DIP2C: variants seen among roughly 807,000 people sequenced by gnomAD.
DIP2C encodes disco-interacting protein 2 homolog C.
DIP2C carries 33 observed loss-of-function variants against 192.4 expected under a neutral mutation model. That is an observed-to-expected ratio of 0.17 (90% CI 0.13 to 0.23). The LOEUF (loss-of-function observed/expected upper bound fraction) is 0.23. DIP2C is among the 10% of genes least tolerant of loss of function. The pLI is 1.00. For synonymous variants in DIP2C, 979 were observed against 864.1 expected (o/e 1.13, Z -2.33); for missense variants, 1,537 against 2,110.1 (o/e 0.73, Z 5.32).
rs141215464 is a variant in DIP2C at position 323,877 on chromosome 10, G to A, written c.3924+3129C>T. On this transcript the variant is annotated intron_variant, in intron 31 of 36. Transcript: ENST00000280886. ...TCTATGGAGAGCCAGGGAGCGAGAG[G>A]TGGTTTCTGCCGCTGGATCCTGGGC... is the stretch of plus-strand genomic sequence containing the variant. 1.2e-4 allele frequency among the ~76,000 whole-genome samples: 18 copies of A among 152,252 alleles called. No homozygotes were observed. The East Asian group carries it at 3.5e-3, about 29-fold the overall frequency.
At chr10:432,480 A>G (rs919149063) in intron 4 of DIP2C, among the ~76,000 whole-genome samples, 1 of 152,210 alleles carries the variant, frequency 6.6e-6, no homozygotes, top group Admixed American at 6.5e-5. Context: ...AGAGTTTTTC[A>G]TAATATTTAT....
intron 32 of DIP2C, among the ~76,000 whole-genome samples, chr10:295,659 G>C (rs1250420010): frequency 6.7e-6 from 1 of 149,814 alleles, no homozygotes; most frequent in African/African-American, 2.5e-5. Flanking sequence ...TCAAATGCTG[G>C]TGAGGATACA....
intron 1 of DIP2C, among the ~76,000 whole-genome samples, chr10:623,749 C>T (rs1854025202): frequency 7.3e-6 from 1 of 137,222 alleles, no homozygotes; most frequent in Non-Finnish European, 1.6e-5. Flanking sequence ...GGACGCAGGG[C>T]CAAGGGGAAG....
intron 1 of DIP2C, among the ~76,000 whole-genome samples, chr10:635,070 G>A (rs1219669238): frequency 6.6e-6 from 1 of 152,168 alleles, no homozygotes; most frequent in Non-Finnish European, 1.5e-5. Context: ...AGTCCCTGGT[G>A]GCTACACAAG....
intron 3 of DIP2C, among the ~76,000 whole-genome samples, chr10:467,067 TAA>T (rs1263258523): frequency 1.3e-5 from 2 of 151,668 alleles, no homozygotes; most frequent in Non-Finnish European, 2.9e-5. Context: ...CATGCTGCTA[TAA>T]AGACACATGC....
At chr10:613,199 T>C (rs902518420) in intron 1 of DIP2C, among the ~76,000 whole-genome samples, 1 of 152,214 alleles carries the variant, frequency 6.6e-6, no homozygotes, top group Non-Finnish European at 1.5e-5. Context: ...AGATTTCTAA[T>C]TTCATCCCAT....
intron 1 of DIP2C, among the ~76,000 whole-genome samples, chr10:528,142 G>C (rs1235522292): frequency 6.6e-6 from 1 of 152,134 alleles, no homozygotes; most frequent in African/African-American, 2.4e-5. Flanking sequence ...GTTTGCGAGA[G>C]AGAAAACCTC....
intron 31 of DIP2C, chr10:325,081 C>A (rs187387902): frequency 1.2e-5 from 5 of 410,264 alleles, no homozygotes; most frequent in South Asian, 8.8e-5. Context: ...CTGGCTAACA[C>A]GGTGAAACCC....
chr10:498,473 G>T (rs1359815886), intron 1 of DIP2C, among the ~76,000 whole-genome samples: 2 of 152,254 alleles, frequency 1.3e-5, no homozygotes, highest in East Asian at 3.9e-4. Context: ...TCCCCTCAGG[G>T]GTCCTGCTGA....
intron 1 of DIP2C, among the ~76,000 whole-genome samples, chr10:601,282 G>A (rs1182773146): frequency 6.6e-6 from 1 of 152,144 alleles, no homozygotes. Context: ...AAAAATTTTA[G>A]GAAGCTACAT....
At chr10:569,522 G>C (rs905749033) in intron 1 of DIP2C, among the ~76,000 whole-genome samples, 1 of 152,098 alleles carries the variant, frequency 6.6e-6, no homozygotes, top group Admixed American at 6.5e-5. Flanking sequence ...ACAAACCAAA[G>C]CATGTGTGGC....
intron 35 of DIP2C, chr10:281,950 C>G (rs1954854661): frequency 6.6e-6 from 1 of 152,110 alleles, no homozygotes; most frequent in Non-Finnish European, 1.5e-5. Flanking sequence ...GGAAATATGT[C>G]CTAAATTTTT....
intron 1 of DIP2C, among the ~76,000 whole-genome samples, chr10:578,003 G>A (rs1850284929): frequency 1.3e-5 from 2 of 151,968 alleles, no homozygotes; most frequent in Admixed American, 6.6e-5. Flanking sequence ...CCAAAGGTGT[G>A]GAAAACTAAG....
intron 1 of DIP2C, among the ~76,000 whole-genome samples, chr10:509,283 T>C (rs816583): frequency 0.76 from 115,519 of 152,152 alleles, 45,907 homozygotes; most frequent in South Asian, 0.87. Context: ...CACGCACCGA[T>C]ATCTTCAGAC....
At chr10:588,380 GTCA>G (rs1851207777) in intron 1 of DIP2C, among the ~76,000 whole-genome samples, 1 of 152,226 alleles carries the variant, frequency 6.6e-6, no homozygotes, top group Admixed American at 6.5e-5. Flanking sequence ...CTCAAATCTT[GTCA>G]TCAACTGTCT....
intron 3 of DIP2C, among the ~76,000 whole-genome samples, chr10:471,507 G>A (rs1277920500): frequency 6.6e-6 from 1 of 152,112 alleles, no homozygotes; most frequent in African/African-American, 2.4e-5. Flanking sequence ...GAAGACAACA[G>A]TCACGACTTC....
At chr10:434,921 G>A (rs1036812353) in intron 4 of DIP2C, among the ~76,000 whole-genome samples, 3 of 152,276 alleles carry the variant, frequency 2.0e-5, no homozygotes, top group Non-Finnish European at 2.9e-5. Flanking sequence ...ATTCGCCGTA[G>A]TTTGAAAATT....
intron 2 of DIP2C, among the ~76,000 whole-genome samples, chr10:479,263 C>T (rs1843404620): frequency 6.7e-6 from 1 of 149,398 alleles, no homozygotes; most frequent in Non-Finnish European, 1.5e-5. Context: ...ATGGGAACAT[C>T]ATACAATGGT....
intron 1 of DIP2C, among the ~76,000 whole-genome samples, chr10:504,511 A>C: frequency 6.6e-6 from 1 of 152,158 alleles, no homozygotes; most frequent in South Asian, 2.1e-4. Flanking sequence ...TGGGACTCAG[A>C]AGCTGCAAGA....
Sources: gnomAD v4.1 joint callset for allele counts (sites outside exome capture counted in the v4.1 genomes callset) on GRCh38, gnomAD v4.1.1 for gene constraint, MANE v1.5 for transcripts, NCBI Gene and HGNC (gene_info 2026-07-23, HGNC 2026-07-21) for gene names.